SLC35F3: variants seen among roughly 807,000 people sequenced by gnomAD.
SLC35F3 encodes solute carrier family 35 member F3, also known as putative thiamine transporter SLC35F3.
A neutral mutation model predicts 49.9 loss-of-function variants in SLC35F3; 25 were observed. The ratio of observed to expected loss-of-function variants is 0.50; its 90% CI spans 0.37 to 0.70. The LOEUF (loss-of-function observed/expected upper bound fraction) is 0.70. Ranked by LOEUF, SLC35F3 falls within the 30% of genes least tolerant of loss-of-function variation. SLC35F3 has a pLI of 0.00. For missense variants in SLC35F3, 525 were observed against 639.8 expected (o/e 0.82, Z 1.94); for synonymous variants, 275 against 265.4 (o/e 1.04, Z -0.35).
intron 3 of SLC35F3, chr1:234,261,583 G>C (rs892451011): frequency 6.6e-6 from 1 of 152,230 alleles, no homozygotes; most frequent in African/African-American, 2.4e-5. Context: ...GGTTTTGGCC[G>C]GCTTCTTTAT....
chr1:234,162,181 A>G, intron 2 of SLC35F3, among the ~76,000 whole-genome samples: 1 of 150,594 alleles, frequency 6.6e-6, no homozygotes. Flanking sequence ...TTCATGGTGA[A>G]ATCCAACATA....
intron 3 of SLC35F3, among the ~76,000 whole-genome samples, chr1:234,279,286 G>C (rs1300357318): frequency 6.6e-6 from 1 of 152,168 alleles, no homozygotes; most frequent in Admixed American, 6.5e-5. Context: ...AGCAAGGGGT[G>C]ACTGAATAGA....
intron 2 of SLC35F3, among the ~76,000 whole-genome samples, chr1:234,098,572 AATTCAG>A (rs1333805782): frequency 1.4e-5 from 2 of 140,862 alleles, no homozygotes; most frequent in African/African-American, 5.4e-5. Flanking sequence ...TGGTGGTGGC[AATTCAG>A]ATGGCGGTGG....
intron 3 of SLC35F3, among the ~76,000 whole-genome samples, chr1:234,297,760 A>C (rs924266526): frequency 6.9e-6 from 1 of 144,188 alleles, no homozygotes; most frequent in African/African-American, 2.6e-5. Flanking sequence ...AAAAAAAAAA[A>C]CAGTTAAACT....
intron 2 of SLC35F3, among the ~76,000 whole-genome samples, chr1:233,953,950 C>T (rs1233519919): frequency 1.3e-5 from 2 of 152,094 alleles, no homozygotes; most frequent in African/African-American, 2.4e-5. Flanking sequence ...AGGTAATAGG[C>T]CCATTTCACT....
rs1177974875 is a variant in SLC35F3, at chr1:234,214,490, C to A, written c.284-16927C>A. Reference sequence around the variant, plus strand: ...CGGCGGCAGCGCTCCTGCAGGCGGCCGGCTCATCATGAAGAAGCACTCGGC... The same window carrying A: ...CGGCGGCAGCGCTCCTGCAGGCGGCAGGCTCATCATGAAGAAGCACTCGGC... On this transcript the variant is annotated intron_variant, in intron 2 of 7. Transcript: ENST00000366618. This position sits in a 1 kb window ranked among gnomAD's most constrained non-coding sequence, Gnocchi z 8.0. 6.5e-7 allele frequency: 1 copy of A among 1,527,326 alleles called. No homozygotes were observed. The highest frequency in any genetic ancestry group is 8.8e-7 in the Non-Finnish European group (1 of 1,138,306). The allele number at this position is 1,527,326 out of a possible 1,614,324, so 94.6% of individuals were successfully genotyped here. A position where few individuals can be genotyped will look rare whatever the true frequency, so the allele number is the denominator to read the frequency against.
At chr1:234,128,162 T>C (rs904096741) in intron 2 of SLC35F3, among the ~76,000 whole-genome samples, 1 of 152,090 alleles carries the variant, frequency 6.6e-6, no homozygotes, top group African/African-American at 2.4e-5. Flanking sequence ...GAACTGAATA[T>C]ATTGAGAGAC....
intron 2 of SLC35F3, among the ~76,000 whole-genome samples, chr1:233,979,031 G>A (rs546653450): frequency 2.6e-4 from 38 of 146,490 alleles, no homozygotes; most frequent in Non-Finnish European, 5.1e-4. Context: ...GTGAAACTCC[G>A]TTTCCAATTA....
At chr1:234,219,325 T>C (rs1459356288) in intron 2 of SLC35F3, among the ~76,000 whole-genome samples, 1 of 152,156 alleles carries the variant, frequency 6.6e-6, no homozygotes, top group African/African-American at 2.4e-5. Flanking sequence ...TCTTGAGAAG[T>C]ATACTGCCAA....
chr1:233,922,762 A>G (rs182310020), intron 2 of SLC35F3, among the ~76,000 whole-genome samples: 2 of 152,288 alleles, frequency 1.3e-5, no homozygotes, highest in East Asian at 3.9e-4. Context: ...GTTTTCTTCT[A>G]GAGTTTTTAT....
intron 2 of SLC35F3, among the ~76,000 whole-genome samples, chr1:234,173,057 A>G (rs576869699): frequency 6.6e-6 from 1 of 152,288 alleles, no homozygotes; most frequent in East Asian, 1.9e-4. Flanking sequence ...TTCAGATTTC[A>G]CCAAACAATC....
At chr1:234,188,826 A>C (rs145459169) in intron 2 of SLC35F3, among the ~76,000 whole-genome samples, 2 of 152,218 alleles carry the variant, frequency 1.3e-5, no homozygotes, top group Non-Finnish European at 2.9e-5. Flanking sequence ...CCACTGGAGC[A>C]AGTGCTGGTA....
intron 2 of SLC35F3, among the ~76,000 whole-genome samples, chr1:234,170,458 T>A (rs1410875460): frequency 2.6e-5 from 4 of 152,064 alleles, no homozygotes; most frequent in Non-Finnish European, 5.9e-5. Context: ...TTTGACCAGA[T>A]GTCCTTAGGC....
intron 3 of SLC35F3, among the ~76,000 whole-genome samples, chr1:234,250,694 T>C (rs547953825): frequency 1.6e-4 from 24 of 151,832 alleles, no homozygotes; most frequent in South Asian, 1.3e-3. Flanking sequence ...GATTCATCAT[T>C]TTGCAGGATA....
intron 2 of SLC35F3, among the ~76,000 whole-genome samples, chr1:234,043,119 A>G (rs1020505396): frequency 2.6e-5 from 4 of 152,214 alleles, no homozygotes; most frequent in Non-Finnish European, 4.4e-5. Context: ...AATATGTTGC[A>G]GATACATTTG....
At chr1:234,104,024 T>A (rs909041396) in intron 2 of SLC35F3, among the ~76,000 whole-genome samples, 15 of 152,160 alleles carry the variant, frequency 9.9e-5, no homozygotes, top group African/African-American at 3.4e-4. Flanking sequence ...TGTATAAAAA[T>A]GGGTGAAAAT....
chr1:234,039,987 A>G (rs1664197328), intron 2 of SLC35F3, among the ~76,000 whole-genome samples: 1 of 142,884 alleles, frequency 7.0e-6, no homozygotes, highest in African/African-American at 3.1e-5. Flanking sequence ...CCAGTTTGAC[A>G]GCCTTTTTTG....
intron 2 of SLC35F3, among the ~76,000 whole-genome samples, chr1:233,971,947 A>T (rs1030424478): frequency 2.0e-5 from 3 of 152,246 alleles, no homozygotes; most frequent in Non-Finnish European, 4.4e-5. Flanking sequence ...CTCAGCCTAC[A>T]GCGTGCTGGC....
intron 3 of SLC35F3, among the ~76,000 whole-genome samples, chr1:234,235,823 A>G (rs534039067): frequency 6.6e-6 from 1 of 152,326 alleles, no homozygotes; most frequent in South Asian, 2.1e-4. Context: ...TTTCATCTTA[A>G]ACCCTGCAAG....
Sources: gnomAD v4.1 joint callset for allele counts (sites outside exome capture counted in the v4.1 genomes callset) on GRCh38, gnomAD v4.1.1 for gene constraint, Gnocchi (gnomAD v3.1) non-coding constraint, MANE v1.5 for transcripts, NCBI Gene and HGNC (gene_info 2026-07-23, HGNC 2026-07-21) for gene names.